PCMT1: variants seen among roughly 807,000 people sequenced by gnomAD.
PCMT1 encodes the protein protein-L-isoaspartate(D-aspartate) O-methyltransferase.
In PCMT1, 9 loss-of-function variants were observed where a neutral mutation model predicts 29.2. The ratio of observed to expected loss-of-function variants is 0.31; its 90% CI spans 0.19 to 0.54. The LOEUF (loss-of-function observed/expected upper bound fraction) is 0.54. Ranked by LOEUF, PCMT1 falls within the 20% of genes least tolerant of loss-of-function variation. PCMT1 has a pLI of 0.95. For synonymous variants in PCMT1, 98 were observed against 97.5 expected (o/e 1.00, Z -0.03); for missense variants, 184 against 282.2 (o/e 0.65, Z 2.49).
chr6:149,760,954 G>A (rs1583006899), intron 1 of PCMT1, among the ~76,000 whole-genome samples: 1 of 152,144 alleles, frequency 6.6e-6, no homozygotes, highest in Non-Finnish European at 1.5e-5. Context: ...CATAATCACA[G>A]GGAGACTAAT....
intron 3 of PCMT1, among the ~76,000 whole-genome samples, chr6:149,785,791 T>G (rs535635177): frequency 0.014 from 2,089 of 151,986 alleles, 7 homozygotes; most frequent in Non-Finnish European, 0.021. Context: ...AAATGAAAAG[T>G]CTCCCATGTC....
intron 1 of PCMT1, among the ~76,000 whole-genome samples, chr6:149,753,062 G>A (rs1461473354): frequency 6.6e-6 from 1 of 151,982 alleles, no homozygotes; most frequent in African/African-American, 2.4e-5. Context: ...TAACACTTGT[G>A]CAACTTTAGT....
At chr6:149,787,288 GT>G (rs1389613124) in intron 3 of PCMT1, among the ~76,000 whole-genome samples, 25 of 147,714 alleles carry the variant, frequency 1.7e-4, no homozygotes, top group African/African-American at 6.2e-4. Context: ...GAGACCGTGG[GT>G]AGAGGGAGAC....
At position 149,749,764 on chromosome 6, in the gene PCMT1, G is replaced by T; in HGVS notation, c.-138G>T. The T allele has an allele frequency of 1.3e-6, 2 of 1,547,290 alleles. No homozygotes were observed. The highest frequency in any genetic ancestry group is 1.7e-6 in the Non-Finnish European group (2 of 1,145,018). ...GCGCAGTGGCGGCAGCGGCGGCGAC[G>T]GCAGTAACAGCGGCAGCTACAGCGG... is the stretch of plus-strand genomic sequence containing the variant. On this transcript the variant is annotated 5_prime_UTR_variant, in exon 1 of 8. Coordinates refer to ENST00000464889, the MANE Select transcript of PCMT1 (RefSeq NM_001360452.2).
At chr6:149,805,430 A>G (rs1397661955) in intron 7 of PCMT1, among the ~76,000 whole-genome samples, 1 of 150,768 alleles carries the variant, frequency 6.6e-6, no homozygotes, top group Non-Finnish European at 1.5e-5. Flanking sequence ...CGTCTCTCCT[A>G]AAAATACAAA....
At chr6:149,763,519 C>CAT (rs1450428727) in intron 1 of PCMT1, among the ~76,000 whole-genome samples, 2 of 151,924 alleles carry the variant, frequency 1.3e-5, no homozygotes, top group Admixed American at 6.6e-5. Context: ...TGGCTGATGG[C>CAT]ATGCTATTAA....
At chr6:149,797,363 A>G (rs1488617361) in intron 6 of PCMT1, 1 of 152,148 alleles carries the variant, frequency 6.6e-6, no homozygotes, top group Non-Finnish European at 1.5e-5. Flanking sequence ...TCACACACGG[A>G]TGGAACTTGA....
intron 6 of PCMT1, among the ~76,000 whole-genome samples, chr6:149,801,578 A>G (rs1458561737): frequency 6.6e-6 from 1 of 151,902 alleles, no homozygotes; most frequent in African/African-American, 2.4e-5. Flanking sequence ...TCCCAAGTAG[A>G]TAGGACTACA....
chr6:149,809,281 A>AAAAG (rs1776098839), intron 7 of PCMT1, among the ~76,000 whole-genome samples: 2 of 147,846 alleles, frequency 1.4e-5, no homozygotes, highest in African/African-American at 5.0e-5. Flanking sequence ...AAAAAAAAAA[A>AAAAG]GCCAAAACAA....
intron 1 of PCMT1, among the ~76,000 whole-genome samples, chr6:149,751,318 CA>C (rs78513427): frequency 1.9e-4 from 29 of 150,160 alleles, no homozygotes; most frequent in African/African-American, 5.6e-4. Context: ...AACTCCGCCT[CA>C]AAAAAAAAAT....
intron 3 of PCMT1, among the ~76,000 whole-genome samples, chr6:149,779,743 T>C (rs1263490973): frequency 1.3e-5 from 2 of 151,500 alleles, no homozygotes; most frequent in African/African-American, 2.4e-5. Flanking sequence ...CTGGGGAGGG[T>C]GCAGGTTGCA....
chr6:149,793,705 G>GA, intron 5 of PCMT1, 36 bp downstream of exon 5: 1 of 1,508,684 alleles, frequency 6.6e-7, no homozygotes, highest in Non-Finnish European at 8.8e-7. Context: ...TTCTTCAGAG[G>GA]ATTTTTATTT....
At chr6:149,781,190 GTTTTTTTTTTT>G (rs1267846983) in intron 3 of PCMT1, among the ~76,000 whole-genome samples, 3 of 51,000 alleles carry the variant, frequency 5.9e-5, no homozygotes, top group African/African-American at 2.4e-4. Flanking sequence ...CCCCTTTCTT[GTTTTTTTTTTT>G]TTGTTTTTTT....
intron 6 of PCMT1, among the ~76,000 whole-genome samples, chr6:149,800,557 C>G (rs12176034): frequency 2.6e-5 from 4 of 152,018 alleles, no homozygotes; most frequent in Admixed American, 6.5e-5. Flanking sequence ...AATAGTGATG[C>G]GTAAAGCTAT....
At chr6:149,761,259 G>A (rs746678228) in intron 1 of PCMT1, among the ~76,000 whole-genome samples, 8 of 48,158 alleles carry the variant, frequency 1.7e-4, no homozygotes, top group Admixed American at 3.4e-4. Flanking sequence ...TAAGGGTGAT[G>A]TGTGTGTGTG....
chr6:149,776,513 G>A (rs1187869891), intron 3 of PCMT1, among the ~76,000 whole-genome samples: 1 of 151,998 alleles, frequency 6.6e-6, no homozygotes, highest in Non-Finnish European at 1.5e-5. Flanking sequence ...CTGACCTCAA[G>A]TGATCCACCC....
intron 1 of PCMT1, among the ~76,000 whole-genome samples, chr6:149,756,353 C>CTTT (rs5880848): frequency 6.4e-5 from 9 of 141,620 alleles, no homozygotes; most frequent in African/African-American, 1.0e-4. Context: ...TATTCTTTCC[C>CTTT]TTTTTTTTTT....
At chr6:149,755,505 G>C (rs1583000879) in intron 1 of PCMT1, among the ~76,000 whole-genome samples, 1 of 152,054 alleles carries the variant, frequency 6.6e-6, no homozygotes, top group African/African-American at 2.4e-5. Flanking sequence ...TCTATTAAGG[G>C]TCTTGGACCG....
intron 5 of PCMT1, chr6:149,795,166 C>G (rs953023575): frequency 3.4e-6 from 1 of 298,070 alleles, no homozygotes; most frequent in Non-Finnish European, 6.3e-6. Context: ...GCACTCTAGC[C>G]TGGCAGACAA....
Sources: gnomAD v4.1 joint callset for allele counts (sites outside exome capture counted in the v4.1 genomes callset) on GRCh38, gnomAD v4.1.1 for gene constraint, MANE v1.5 for transcripts, NCBI Gene and HGNC (gene_info 2026-07-23, HGNC 2026-07-21) for gene names.